DNAJC6: variants seen among roughly 807,000 people sequenced by gnomAD.
The protein encoded by DNAJC6 is DnaJ heat shock protein family (Hsp40) member C6, also known as auxilin.
In DNAJC6, 34 loss-of-function variants were observed where a neutral mutation model predicts 110.0. That is an observed-to-expected ratio of 0.31 (90% confidence interval 0.24 to 0.41). The LOEUF (loss-of-function observed/expected upper bound fraction) is 0.41. Ranked by LOEUF, DNAJC6 falls within the 10% of genes least tolerant of loss-of-function variation. The pLI, the probability that DNAJC6 is intolerant of heterozygous loss-of-function variation, is 1.00. For synonymous variants in DNAJC6, 406 were observed against 437.2 expected, an observed-to-expected ratio of 0.93 and a Z score of 0.89; for missense variants, 1,031 against 1,207.8, an observed-to-expected ratio of 0.85 and a Z score of 2.17.
At chr1:65,389,165 C>A (rs1023039568) in intron 9 of DNAJC6, 91 bp from the exon 10 acceptor site, 12 of 1,196,306 alleles carry the variant, frequency 1.0e-5, no homozygotes, top group Non-Finnish European at 1.4e-5. Flanking sequence ...TAGATTTAAC[C>A]TAAGAGTCAA....
intron 1 of DNAJC6, among the ~76,000 whole-genome samples, chr1:65,301,093 T>G (rs1431777986): frequency 6.6e-6 from 1 of 152,226 alleles, no homozygotes; most frequent in African/African-American, 2.4e-5. Context: ...AAATTTCCAG[T>G]GTTTTCTTCA....
chr1:65,289,858 G>A (rs1367683998), intron 1 of DNAJC6, among the ~76,000 whole-genome samples: 1 of 150,182 alleles, frequency 6.7e-6, no homozygotes, highest in Non-Finnish European at 1.5e-5. Flanking sequence ...TGCCCAGGCT[G>A]AGATGCAGTG....
chr1:65,384,791 C>G (rs1262238360), intron 6 of DNAJC6, among the ~76,000 whole-genome samples: 2 of 152,178 alleles, frequency 1.3e-5, no homozygotes, highest in Non-Finnish European at 2.9e-5. Flanking sequence ...CATAGCCAAA[C>G]CACATCAATC....
intron 15 of DNAJC6, among the ~76,000 whole-genome samples, chr1:65,403,188 A>C (rs543411658): frequency 6.6e-6 from 1 of 152,364 alleles, no homozygotes; most frequent in East Asian, 1.9e-4. Context: ...GGCACTACTT[A>C]AAGTGTTTTA....
Position 65,326,037 on chromosome 1 carries a change from A to G in DNAJC6, c.193+16099A>G, listed in dbSNP as rs544344358. Among the ~76,000 whole-genome samples, 31 of 152,348 alleles carry G rather than the reference A, an allele frequency of 2.0e-4. No homozygotes were observed. In the South Asian group the frequency reaches 5.8e-3, roughly 28 times the overall value. ...CTATGGGATGACTGTCATATATTCA[A>G]TGTCATTCACCTAAACATCATTATG... is the stretch of plus-strand genomic sequence containing the variant. On this transcript the variant is annotated intron_variant, in intron 1 of 18. Transcript: ENST00000371069.
chr1:65,274,260 T>G (rs1005095972), intron 1 of DNAJC6, among the ~76,000 whole-genome samples: 3 of 152,110 alleles, frequency 2.0e-5, no homozygotes, highest in Non-Finnish European at 4.4e-5. Context: ...CAACTTTCTT[T>G]GTGTTAATAG....
At position 65,386,819 on chromosome 1, in the gene DNAJC6, C is replaced by T. The variant is rs769571967; in HGVS notation, c.1003C>T (p.Arg335Cys). 5 of 1,613,586 alleles carry T rather than the reference C, an allele frequency of 3.1e-6. No individual in the cohort carries two copies. Among genetic ancestry groups the T allele is most frequent in the African/African-American group, 2.7e-5 (2 of 74,910 alleles). The stretch of plus-strand genomic sequence containing the variant: ...TTTGGTCTGTGTTTACAGAGAATAT[C>T]GTGTCCAAGATGGAAAAATCTTCAT... ...CTDFERMKEY[R>C]VQDGKIFIPL... The change falls in exon 8 of 19, where the codon CGT (arginine) becomes TGT (cysteine). Residue 335 changes from arginine (R) to cysteine (C), a missense_variant. Physicochemically the swap from Arg to Cys is radical, Grantham distance 180 (BLOSUM62 -3). Transcript: ENST00000371069.
In DNAJC6 at chr1:65,415,740, G is replaced by A. The variant is rs1405023392; in HGVS notation, c.*2715G>A. The A allele has an allele frequency of 6.6e-6, 1 of 152,230 alleles. No individual in the cohort carries two copies. Among genetic ancestry groups the A allele is most frequent in the Non-Finnish European group, 1.5e-5 (1 of 68,044 alleles). The allele number at this position is 152,230 out of a possible 1,614,324, so 9.4% of individuals were successfully genotyped here. The stretch of plus-strand genomic sequence containing the variant: ...GTCACTGTACTATCTACATGTGGAA[G>A]AATGTTCAAGTTGAATCCTAATGCC... On this transcript the variant is annotated 3_prime_UTR_variant, in exon 19 of 19. Coordinates refer to ENST00000371069, the MANE Select transcript of DNAJC6 (RefSeq NM_001256864.2).
intron 1 of DNAJC6, among the ~76,000 whole-genome samples, chr1:65,319,129 C>T (rs1381128898): frequency 6.6e-6 from 1 of 152,174 alleles, no homozygotes; most frequent in African/African-American, 2.4e-5. Context: ...GTCTGAGATA[C>T]AGGAGATACC....
chr1:65,377,208 T>A (rs9326065), intron 4 of DNAJC6, among the ~76,000 whole-genome samples: 1 of 151,996 alleles, frequency 6.6e-6, no homozygotes, highest in East Asian at 1.9e-4. Flanking sequence ...CTATTAGATC[T>A]TGAACCTGGG....
In DNAJC6 at chr1:65,360,796, G is replaced by A. The variant is rs575927544; in HGVS notation, c.194-3839G>A. On this transcript the variant is annotated intron_variant, in intron 1 of 18. Coordinates refer to ENST00000371069, the MANE Select transcript of DNAJC6 (RefSeq NM_001256864.2). Reference sequence around the variant, plus strand: ...TATTCAGGGCTGTGAAGCAGTAGGGGCGACAGAGGCTCGGCTGCCTGCGTA... The same window carrying A: ...TATTCAGGGCTGTGAAGCAGTAGGGACGACAGAGGCTCGGCTGCCTGCGTA... Among the ~76,000 whole-genome samples, 25 of 152,266 alleles carry A rather than the reference G, an allele frequency of 1.6e-4. 1 individual carries two copies. In the South Asian group the frequency reaches 5.0e-3, roughly 30 times the overall value.
Position 65,388,412 on chromosome 1 carries a change from C to T in DNAJC6, c.1190C>T (p.Thr397Ile). The T allele has an allele frequency of 6.2e-7, 1 of 1,613,820 alleles. No homozygotes were observed. The highest frequency in any genetic ancestry group is 8.5e-7 in the Non-Finnish European group (1 of 1,179,842). ...IPLDTTVLKF[T>I]KPELDACDVP... is the part of the protein sequence containing the mutation. Reference sequence around the variant, plus strand: ...CTGGACACAACAGTTTTAAAGTTCACCAAGTAAGTACTGGTTGGGCCAAAA... The same window carrying T: ...CTGGACACAACAGTTTTAAAGTTCATCAAGTAAGTACTGGTTGGGCCAAAA... The change falls in exon 9 of 19, where the codon ACC becomes ATC. Residue 397 changes from threonine (T) to isoleucine (I), a missense_variant. Coordinates refer to ENST00000371069, the MANE Select transcript of DNAJC6 (RefSeq NM_001256864.2).
chr1:65,342,960 G>A (rs971325977), intron 1 of DNAJC6, among the ~76,000 whole-genome samples: 7 of 152,074 alleles, frequency 4.6e-5, no homozygotes, highest in East Asian at 3.9e-4. Context: ...TCAATTTTGC[G>A]TTGCAGCTTT....
At chr1:65,350,225 T>G (rs946928330) in intron 1 of DNAJC6, among the ~76,000 whole-genome samples, 1 of 152,216 alleles carries the variant, frequency 6.6e-6, no homozygotes, top group African/African-American at 2.4e-5. Flanking sequence ...TTTTAATTTC[T>G]GTCGACCTGC....
intron 1 of DNAJC6, among the ~76,000 whole-genome samples, chr1:65,302,099 TAATATATA>T (rs1644986250): frequency 3.3e-5 from 1 of 29,988 alleles, no homozygotes; most frequent in East Asian, 1.8e-3. Context: ...ATTATATATA[TAATATATA>T]ATATATATAT....
At chr1:65,369,438 A>C (rs1408494345) in intron 4 of DNAJC6, among the ~76,000 whole-genome samples, 1 of 152,176 alleles carries the variant, frequency 6.6e-6, no homozygotes, top group African/African-American at 2.4e-5. Context: ...GAGGACTAGA[A>C]CCATTTCTTA....
chr1:65,367,952 T>G (rs552200134), intron 4 of DNAJC6, among the ~76,000 whole-genome samples: 235 of 151,424 alleles, frequency 1.6e-3, no homozygotes, highest in African/African-American at 5.5e-3. Context: ...AGCATGAATG[T>G]GCTGCACCCA....
At chr1:65,280,236 C>T (rs7544627) in intron 1 of DNAJC6, among the ~76,000 whole-genome samples, 79,630 of 151,990 alleles carry the variant, frequency 0.52, 21,088 homozygotes, top group East Asian at 0.77. Context: ...TGTCCCGTCT[C>T]TTAGAGATAA....
chr1:65,343,371 C>A (rs1645407411), intron 1 of DNAJC6, among the ~76,000 whole-genome samples: 1 of 152,132 alleles, frequency 6.6e-6, no homozygotes, highest in Non-Finnish European at 1.5e-5. Context: ...TTTCACTTTC[C>A]AAGGTTTCAG....
Sources: gnomAD v4.1 joint callset for allele counts (sites outside exome capture counted in the v4.1 genomes callset) on GRCh38, gnomAD v4.1.1 for gene constraint, MANE v1.5 for transcripts, NCBI Gene and HGNC (gene_info 2026-07-23, HGNC 2026-07-21) for gene names.